Variants in BCOR observed in about 807,000 individuals in gnomAD.
The protein encoded by BCOR is BCL-6 corepressor.
BCOR carries 10 observed loss-of-function variants against 86.7 expected under a neutral mutation model. The ratio of observed to expected loss-of-function variants is 0.12; its 90% CI spans 0.07 to 0.20. BCOR has a LOEUF of 0.20. Ranked by LOEUF, BCOR falls within the 10% of genes least tolerant of loss-of-function variation. The pLI is 1.00. For synonymous variants in BCOR, 611 were observed against 609.0 expected, an observed-to-expected ratio of 1.00 and a Z score of -0.05; for missense variants, 1,259 against 1,452.1, an observed-to-expected ratio of 0.87 and a Z score of 2.16.
chrX:40,143,783 C>T (rs1174682737), intron 1 of BCOR, among the ~76,000 whole-genome samples: 2 of 112,366 alleles, frequency 1.8e-5, no homozygotes, highest in Non-Finnish European at 3.8e-5. Flanking sequence ...GGTGAAACCC[C>T]GTCTCTACTA....
At position 40,051,857 on chromosome X, in the gene BCOR, A is replaced by G; in HGVS notation, c.*252T>C. ...AAAGAAACAAATGTTCCAAGTAAAAACAAACGTATCCCAAAGCATGTGTGC... is the reference window on the plus strand; with the variant it reads ...AAAGAAACAAATGTTCCAAGTAAAAGCAAACGTATCCCAAAGCATGTGTGC... On this transcript the variant is annotated 3_prime_UTR_variant, in exon 15 of 15. Coordinates refer to ENST00000378444, the MANE Select transcript of BCOR (RefSeq NM_001123385.2). 3.4e-6 allele frequency: 1 copy of G among 290,722 alleles called. No homozygotes were observed. Among genetic ancestry groups the G allele is most frequent in the Non-Finnish European group, 6.0e-6 (1 of 165,729 alleles). 24.0% of individuals were successfully genotyped at this position (290,722 alleles called of 1,213,427 possible).
At chrX:40,054,405 G>A (rs1934484251) in intron 12 of BCOR, 72 bp from the exon 13 acceptor site, 11 of 881,755 alleles carry the variant, frequency 1.2e-5, no homozygotes, top group Admixed American at 2.6e-5. Flanking sequence ...AGAGCCACGT[G>A]GCATTTTTTC....
At position 40,072,889 on chromosome X, in the gene BCOR, T is replaced by C. The variant is rs1935549642; in HGVS notation, c.2457A>G (p.Thr819=). 1 of 1,209,549 alleles carries C rather than the reference T, an allele frequency of 8.3e-7. No homozygotes were observed. Among genetic ancestry groups the C allele is most frequent in the Admixed American group, 2.2e-5 (1 of 45,772 alleles). Residue 819 remains threonine (T), a synonymous_variant, in exon 4 of 15, where the codon ACA becomes ACG. Coordinates refer to ENST00000378444, the MANE Select transcript of BCOR (RefSeq NM_001123385.2). ...LREEPDAKTD[T]NVSKPSFAAE... is the part of the protein sequence containing the mutation. ...CTGCAAAGCTGGGTTTGGACACGTT[T>C]GTGTCAGTTTTAGCATCTGGTTCTT...
At chrX:40,096,705 AGGCGGCGGT>A (rs1156456643) in intron 1 of BCOR, among the ~76,000 whole-genome samples, 24 of 112,053 alleles carry the variant, frequency 2.1e-4, no homozygotes, top group Non-Finnish European at 4.0e-4. Flanking sequence ...AGGCGAGACG[AGGCGGCGGT>A]GGCGGCGGCT....
chrX:40,063,110 G>GGGGGGGT, intron 8 of BCOR, 39 bp from the exon 9 acceptor site: 1 of 644,552 alleles, frequency 1.6e-6, no homozygotes, highest in Non-Finnish European at 2.2e-6. Context: ...GGGCGGATGG[G>GGGGGGGT]AGACGGGAGA....
intron 1 of BCOR, among the ~76,000 whole-genome samples, chrX:40,165,369 G>A (rs1412364951): frequency 2.7e-5 from 3 of 112,305 alleles, no homozygotes; most frequent in Non-Finnish European, 5.6e-5. Flanking sequence ...TGAAGGGGCA[G>A]TTCTCCTCTT....
chrX:40,070,132 C>T (rs1276186710), intron 6 of BCOR, among the ~76,000 whole-genome samples: 1 of 111,658 alleles, frequency 9.0e-6, no homozygotes, highest in Non-Finnish European at 1.9e-5. Context: ...CTCAAACATA[C>T]CCAACACTTC....
rs192263284 is a variant in BCOR, at chrX:40,124,998, C to A, written c.-40-47029G>T. ...ATCTTGTGGGGAGTGTTGGGTCAGACAGAGGATGGAGGGGTGTGTGTGGCG... is the reference window on the plus strand; with the variant it reads ...ATCTTGTGGGGAGTGTTGGGTCAGAAAGAGGATGGAGGGGTGTGTGTGGCG... On this transcript the variant is annotated intron_variant, in intron 1 of 14. Coordinates refer to the BCOR transcript ENST00000342274. Among the ~76,000 whole-genome samples, 259 of 79,314 alleles carry A rather than the reference C, an allele frequency of 3.3e-3. 1 individual carries two copies. The highest frequency in any genetic ancestry group is 0.013 in the African/African-American group (249 of 19,404). 68.9% of individuals were successfully genotyped at this position (79,314 alleles called of 115,157 possible).
chrX:40,145,290 C>T (rs1158362625), intron 1 of BCOR, among the ~76,000 whole-genome samples: 3 of 111,692 alleles, frequency 2.7e-5, no homozygotes, highest in Non-Finnish European at 5.7e-5. Context: ...CGCGAACCCG[C>T]GGCGCCCGGC....
At chrX:40,160,824 C>T (rs960169376) in intron 1 of BCOR, among the ~76,000 whole-genome samples, 9 of 105,266 alleles carry the variant, frequency 8.5e-5, no homozygotes, top group Non-Finnish European at 1.6e-4. Flanking sequence ...CCGCCACGCC[C>T]GGCTAATTTT....
intron 1 of BCOR, among the ~76,000 whole-genome samples, chrX:40,090,387 T>A (rs1450459443): frequency 8.8e-6 from 1 of 113,163 alleles, no homozygotes; most frequent in Admixed American, 9.2e-5. Flanking sequence ...TTCTCTTTTT[T>A]AAACTTTCCG....
chrX:40,142,959 T>C (rs181692017), intron 1 of BCOR, among the ~76,000 whole-genome samples: 1 of 111,833 alleles, frequency 8.9e-6, no homozygotes, highest in Admixed American at 9.5e-5. Context: ...TAGAGTTTAA[T>C]TAGGCACCAA....
intron 2 of BCOR, 162 bp downstream of exon 2, chrX:40,077,682 G>A: frequency 2.1e-6 from 1 of 479,533 alleles, no homozygotes; most frequent in Non-Finnish European, 3.7e-6. Context: ...ATGCTTCACT[G>A]AGCCAGGTTG....
intron 1 of BCOR, among the ~76,000 whole-genome samples, chrX:40,119,936 C>G (rs1937457952): frequency 9.2e-6 from 1 of 108,443 alleles, no homozygotes; most frequent in Admixed American, 1.0e-4. Flanking sequence ...TGCTCTGAGC[C>G]AAGTTGGGGG....
At position 40,124,433 on chromosome X, in the gene BCOR, T is replaced by C. The variant is rs1356702327; in HGVS notation, c.-40-46464A>G. Reference sequence around the variant, plus strand: ...GACTACAGGCATGCATCACCATGCCTGGCTAATTTTCTTATTTTTTGTAGA... The same window carrying C: ...GACTACAGGCATGCATCACCATGCCCGGCTAATTTTCTTATTTTTTGTAGA... On this transcript the variant is annotated intron_variant, in intron 1 of 14. Coordinates refer to the BCOR transcript ENST00000342274. 2.8e-5 allele frequency among the ~76,000 whole-genome samples: 3 copies of C among 107,342 alleles called. No individual in the cohort carries two copies. The Admixed American group carries it at 3.0e-4, about 11-fold the overall frequency. 93.2% of individuals were successfully genotyped at this position (107,342 alleles called of 115,157 possible).
At chrX:40,082,046 G>A (rs1035015481) in intron 1 of BCOR, among the ~76,000 whole-genome samples, 3 of 112,719 alleles carry the variant, frequency 2.7e-5, no homozygotes, top group African/African-American at 6.5e-5. Context: ...GGGTTATGAT[G>A]AGAGCACCTG....
At chrX:40,171,476 G>A (rs1938618264) in intron 1 of BCOR, among the ~76,000 whole-genome samples, 1 of 103,199 alleles carries the variant, frequency 9.7e-6, no homozygotes, top group African/African-American at 3.8e-5. Context: ...GGGGATTCAT[G>A]TGTTTAGGTT....
intron 1 of BCOR, among the ~76,000 whole-genome samples, chrX:40,172,100 T>C (rs959993328): frequency 1.7e-4 from 19 of 112,538 alleles, no homozygotes; most frequent in African/African-American, 5.8e-4. Flanking sequence ...AGTAAAGGCT[T>C]GAGGGAGTGG....
rs2147252130 is a variant in BCOR, at chrX:40,074,235, C to A, written c.1111G>T (p.Ala371Ser). 1 of 1,211,982 alleles carries A rather than the reference C, an allele frequency of 8.3e-7. No individual in the cohort carries two copies. The highest frequency in any genetic ancestry group is 1.1e-6 in the Non-Finnish European group (1 of 895,517). ...YARISTSPSV[A>S]LSKPYMTVSS... is the part of the protein sequence containing the mutation. ...ACTGTCATGTATGGCTTTGACAGGG[C>A]AACTGAAGGAGAGGTGGAGATCCTG... Residue 371 changes from alanine to serine, a missense_variant, in exon 4 of 15, where the codon GCC becomes TCC. Around this residue, in one of 7 missense-constraint regions of BCOR, gnomAD observed 534 missense variants for 594.8 expected, o/e 0.90. Transcript: ENST00000378444.
Sources: allele counts gnomAD v4.1 joint callset (sites outside exome capture counted in the v4.1 genomes callset), GRCh38; gene constraint gnomAD v4.1.1; regional missense constraint gnomAD v4.1.1; transcripts MANE v1.5; gene names NCBI Gene and HGNC (gene_info 2026-07-23, HGNC 2026-07-21).